OTOGL: variants seen among roughly 807,000 people sequenced by gnomAD.
The protein encoded by OTOGL is otogelin-like protein.
OTOGL carries 285 observed loss-of-function variants against 318.5 expected under a neutral mutation model. That is an observed-to-expected ratio of 0.89 (90% CI 0.81 to 0.99). The LOEUF (loss-of-function observed/expected upper bound fraction) is 0.99, where lower values mean the gene tolerates loss of function less well. Ranked by LOEUF, OTOGL falls within the 50% of genes least tolerant of loss-of-function variation. The probability of loss-of-function intolerance (pLI) is 0.00; values close to 1 mark genes in which losing one functional copy is unlikely to be tolerated. For synonymous variants in OTOGL, 987 were observed against 936.5 expected (o/e 1.05, Z -0.99); for missense variants, 2,899 against 2,845.6 (o/e 1.02, Z -0.43).
intron 32 of OTOGL, among the ~76,000 whole-genome samples, chr12:80,318,025 G>A (rs1367293760): frequency 6.6e-6 from 1 of 152,098 alleles, no homozygotes; most frequent in African/African-American, 2.4e-5. Flanking sequence ...TGAAAATAAT[G>A]TATCCTCTCA....
At chr12:80,203,703 C>T (rs1302911520) in intron 1 of OTOGL, among the ~76,000 whole-genome samples, 1 of 152,172 alleles carries the variant, frequency 6.6e-6, no homozygotes, top group Non-Finnish European at 1.5e-5. Flanking sequence ...GTTTCTTTCC[C>T]CTCCAGTGGA....
intron 13 of OTOGL, among the ~76,000 whole-genome samples, chr12:80,252,635 T>C (rs761327405): frequency 2.6e-5 from 4 of 152,158 alleles, no homozygotes; most frequent in Non-Finnish European, 5.9e-5. Context: ...TAGGAATGAA[T>C]CTGCTATACT....
At chr12:80,121,374 C>T (rs1315191370) in intron 1 of OTOGL, among the ~76,000 whole-genome samples, 1 of 152,188 alleles carries the variant, frequency 6.6e-6, no homozygotes, top group Non-Finnish European at 1.5e-5. Context: ...TCCTCAGCTC[C>T]TCCTTCAGAT....
intron 32 of OTOGL, among the ~76,000 whole-genome samples, chr12:80,315,660 G>T (rs141357023): frequency 2.2e-4 from 33 of 152,256 alleles, no homozygotes; most frequent in African/African-American, 7.9e-4. Context: ...ACTTCAGGTG[G>T]CTTGTTGGAG....
chr12:80,323,515 G>A lies in OTOGL; in HGVS notation c.4082-208G>A, dbSNP rs572118807. On this transcript the variant is annotated intron_variant, in intron 34 of 58. Coordinates refer to ENST00000547103, the MANE Select transcript of OTOGL (RefSeq NM_001378609.3). ...AATATAAAAATTAACTGGGTGTGGT[G>A]GCATGTGCTTGTAGTATCACCTACT... 1.5e-4 allele frequency among the ~76,000 whole-genome samples: 23 copies of A among 152,202 alleles called. 1 individual carries two copies. In the South Asian group the frequency reaches 4.8e-3, roughly 32 times the overall value.
chr12:80,317,621 T>C (rs1158512230), intron 32 of OTOGL, among the ~76,000 whole-genome samples: 1 of 152,206 alleles, frequency 6.6e-6, no homozygotes, highest in Non-Finnish European at 1.5e-5. Flanking sequence ...TATTCACATA[T>C]TTGTACAAAT....
chr12:80,123,179 C>G (rs1424907779), intron 1 of OTOGL, among the ~76,000 whole-genome samples: 2 of 152,026 alleles, frequency 1.3e-5, no homozygotes, highest in African/African-American at 4.8e-5. Context: ...TGCTATCCCT[C>G]CCCCTTCCCC....
intron 26 of OTOGL, among the ~76,000 whole-genome samples, chr12:80,291,949 ATTTTCTTTTCTTTTTTTTCTTTTTC>A (rs1348846682): frequency 6.6e-6 from 1 of 151,730 alleles, no homozygotes; most frequent in Admixed American, 6.6e-5. Flanking sequence ...AGAAAGAAAT[ATTTTCTTTTCTTTTTTTTCTTTTTC>A]TTTTCTTTTC....
intron 29 of OTOGL, among the ~76,000 whole-genome samples, chr12:80,307,656 C>A (rs1220516355): frequency 8.3e-5 from 12 of 144,950 alleles, no homozygotes; most frequent in African/African-American, 2.9e-4. Context: ...GCTGGCCGGG[C>A]AGAGTGGCTC....
chr12:80,157,367 A>G (rs1357468594), intron 1 of OTOGL, among the ~76,000 whole-genome samples: 2 of 151,988 alleles, frequency 1.3e-5, no homozygotes, highest in Non-Finnish European at 2.9e-5. Flanking sequence ...GGTGGTTTGA[A>G]AATATTTTCT....
chr12:80,124,703 T>C (rs1353402122), intron 1 of OTOGL, among the ~76,000 whole-genome samples: 4 of 152,206 alleles, frequency 2.6e-5, no homozygotes, highest in African/African-American at 9.7e-5. Flanking sequence ...TTGTATCCTC[T>C]TTTATTTCCT....
Position 80,378,016 on chromosome 12 carries a change from G to T in OTOGL, c.7030G>T (p.Glu2344Ter). 6.3e-7 allele frequency: 1 copy of T among 1,590,528 alleles called. No individual in the cohort carries two copies. Among genetic ancestry groups the T allele is most frequent in the South Asian group, 1.1e-5 (1 of 87,808 alleles). The change falls in exon 59 of 59, where the codon GAA becomes TAA. Residue 2344 changes from glutamate to a stop codon, truncating the protein, a stop_gained. Transcript: ENST00000547103. LOFTEE classifies it high-confidence loss of function. ...CACTGAAATTATGTACACTCTCCAGGAACCCATAGACTGTACGTGCCAGTG... is the reference window on the plus strand; with the variant it reads ...CACTGAAATTATGTACACTCTCCAGTAACCCATAGACTGTACGTGCCAGTG... ...NGTEIMYTLQ[E>*]PIDCTCQWN
At position 80,333,002 on chromosome 12, in the gene OTOGL, CA is replaced by C; in HGVS notation, c.4349-2del. Reference sequence around the variant, plus strand: ...ATGAGGATTACTTTTTCATTTCTGACAGTTTGGGAAATGATTACTCCATCAG... The same window carrying C: ...ATGAGGATTACTTTTTCATTTCTGACGTTTGGGAAATGATTACTCCATCAG... On this transcript the variant is annotated splice_acceptor_variant, in intron 37 of 58. Transcript: ENST00000547103. LOFTEE classifies it high-confidence loss of function. The C allele has an allele frequency of 5.0e-6, 8 of 1,585,400 alleles. No homozygotes were observed. The highest frequency in any genetic ancestry group is 6.9e-6 in the Non-Finnish European group (8 of 1,162,568).
chr12:80,179,437 T>C (rs1874764144), intron 1 of OTOGL, among the ~76,000 whole-genome samples: 1 of 152,094 alleles, frequency 6.6e-6, no homozygotes, highest in South Asian at 2.1e-4. Context: ...ACTTCTTAAA[T>C]ACCTTTTAAA....
chr12:80,336,881 T>C (rs765421994), intron 41 of OTOGL, 31 bp from the exon 42 acceptor site: 2 of 1,544,346 alleles, frequency 1.3e-6, no homozygotes, highest in South Asian at 2.4e-5. Flanking sequence ...TGTGTTTAAC[T>C]CCGTAAAGTT....
chr12:80,244,531 T>C (rs1482911672), intron 11 of OTOGL, among the ~76,000 whole-genome samples: 3 of 149,440 alleles, frequency 2.0e-5, no homozygotes, highest in Non-Finnish European at 4.4e-5. Context: ...TAGTATTCCA[T>C]GGTGTATATG....
chr12:80,274,241 T>C (rs1883627073), intron 24 of OTOGL, among the ~76,000 whole-genome samples: 1 of 152,036 alleles, frequency 6.6e-6, no homozygotes, highest in African/African-American at 2.4e-5. Flanking sequence ...AAATTGTGAA[T>C]GCAAAGGAAA....
At position 80,356,374 on chromosome 12, in the gene OTOGL, A is replaced by C. The variant is rs757313472; in HGVS notation, c.5807-42A>C. The C allele has an allele frequency of 3.4e-6, 5 of 1,469,908 alleles. No homozygotes were observed. In the Admixed American group the frequency reaches 8.8e-5, roughly 26 times the overall value. The allele number at this position is 1,469,908 out of a possible 1,614,324, so 91.1% of individuals were successfully genotyped here. ...TCCCTGCTTTGAGTTGGCAGATTTT[A>C]GTTGTGTTCACTAATATTTTAACAG... On this transcript the variant is annotated intron_variant, in intron 47 of 58. Transcript: ENST00000547103.
rs59486718 is a variant in OTOGL at position 80,119,492 on chromosome 12, C to T, written c.-20+19887C>T. Among the ~76,000 whole-genome samples, 726 of 152,238 alleles carry T rather than the reference C, an allele frequency of 4.8e-3. 5 individuals are homozygous for T. The highest frequency in any genetic ancestry group is 0.017 in the African/African-American group (692 of 41,558). ...TATATAATATAATCACAATGTCGGC[C>T]GTTGTGATTACAACACTAGCAGCAG... On this transcript the variant is annotated intron_variant, in intron 1 of 58. Transcript: ENST00000547103.
Sources: gnomAD v4.1 joint callset for allele counts (sites outside exome capture counted in the v4.1 genomes callset) on GRCh38, gnomAD v4.1.1 for gene constraint, MANE v1.5 for transcripts, NCBI Gene and HGNC (gene_info 2026-07-23, HGNC 2026-07-21) for gene names.